Variants in SLC8A1 observed in about 807,000 individuals in gnomAD.
SLC8A1 encodes the protein sodium/calcium exchanger 1.
In SLC8A1, 18 loss-of-function variants were observed where a neutral mutation model predicts 68.3. That is an observed-to-expected ratio of 0.26 (90% confidence interval 0.18 to 0.39). The LOEUF is 0.39. Ranked by LOEUF, SLC8A1 falls within the 10% of genes least tolerant of loss-of-function variation. The pLI is 1.00. For synonymous variants in SLC8A1, 475 were observed against 415.5 expected (o/e 1.14, Z -1.74); for missense variants, 985 against 1,156.7 (o/e 0.85, Z 2.15).
chr2:40,233,700 G>A (rs2059984991), intron 2 of SLC8A1, among the ~76,000 whole-genome samples: 1 of 147,250 alleles, frequency 6.8e-6, no homozygotes, highest in African/African-American at 2.5e-5. Context: ...GTAATGCCTA[G>A]GTTTTCTTCT....
rs149915514 is a variant in SLC8A1, at chr2:40,384,404, C to G, written c.1808+44069G>C. Among the ~76,000 whole-genome samples, 797 of 152,130 alleles carry G rather than the reference C, an allele frequency of 5.2e-3. 4 individuals are homozygous for G. Among genetic ancestry groups the G allele is most frequent in the Non-Finnish European group, 8.0e-3 (543 of 68,010 alleles). On this transcript the variant is annotated intron_variant, in intron 2 of 7. Transcript: ENST00000406785. The stretch of plus-strand genomic sequence containing the variant: ...GAAATTTGATGAAAACACAATGAGA[C>G]AGTCTCAAGCAGAACAGAACCTTGC...
intron 2 of SLC8A1, among the ~76,000 whole-genome samples, chr2:40,409,559 T>C (rs539260930): frequency 1.2e-4 from 19 of 152,276 alleles, no homozygotes; most frequent in African/African-American, 4.3e-4. Flanking sequence ...AGTCATTCCT[T>C]GAGAATACTC....
At chr2:40,439,440 ACT>A (rs1054666563) in intron 1 of SLC8A1, among the ~76,000 whole-genome samples, 18 of 151,888 alleles carry the variant, frequency 1.2e-4, no homozygotes, top group African/African-American at 4.1e-4. Flanking sequence ...GGCAGCCCCT[ACT>A]CTTTTTCTTC....
At chr2:40,133,236 G>A (rs892309431) in intron 7 of SLC8A1, among the ~76,000 whole-genome samples, 1 of 152,108 alleles carries the variant, frequency 6.6e-6, no homozygotes, top group Non-Finnish European at 1.5e-5. Flanking sequence ...TTAACACCAC[G>A]CTAAGAGAAC....
intron 2 of SLC8A1, among the ~76,000 whole-genome samples, chr2:40,351,270 T>G: frequency 6.6e-6 from 1 of 152,102 alleles, no homozygotes; most frequent in East Asian, 1.9e-4. Flanking sequence ...GAACAAATAC[T>G]ACAGATTTGA....
chr2:40,402,236 C>A (rs906711765), intron 2 of SLC8A1, among the ~76,000 whole-genome samples: 2 of 152,120 alleles, frequency 1.3e-5, no homozygotes, highest in Non-Finnish European at 2.9e-5. Flanking sequence ...AAAAGACACT[C>A]CCACCAGCAC....
intron 4 of SLC8A1, among the ~76,000 whole-genome samples, chr2:40,168,624 C>T (rs13394655): frequency 0.46 from 69,551 of 151,998 alleles, 17,252 homozygotes; most frequent in Non-Finnish European, 0.57. Flanking sequence ...CTGTTGAATA[C>T]GGAAATGGTT....
intron 2 of SLC8A1, among the ~76,000 whole-genome samples, chr2:40,370,133 C>G (rs994249): frequency 0.49 from 75,181 of 151,942 alleles, 19,432 homozygotes; most frequent in African/African-American, 0.63. Flanking sequence ...ATTCAACACA[C>G]AATACCAGTT....
chr2:40,293,422 T>G (rs1239631380), intron 2 of SLC8A1, among the ~76,000 whole-genome samples: 1 of 152,360 alleles, frequency 6.6e-6, no homozygotes, highest in South Asian at 2.1e-4. Flanking sequence ...TTGATGCTGC[T>G]GTGTCCAGTT....
At chr2:40,149,922 C>T (rs1042314184) in intron 6 of SLC8A1, among the ~76,000 whole-genome samples, 10 of 151,944 alleles carry the variant, frequency 6.6e-5, no homozygotes, top group African/African-American at 1.5e-4. Flanking sequence ...ATGGTTAAGG[C>T]GTTGGTTCTA....
chr2:40,228,658 G>A (rs943909157), intron 2 of SLC8A1, among the ~76,000 whole-genome samples: 2 of 152,188 alleles, frequency 1.3e-5, no homozygotes, highest in Admixed American at 1.3e-4. Context: ...CTCATTAAAG[G>A]TTTGGGTGGC....
At chr2:40,298,099 C>G (rs946000471) in intron 2 of SLC8A1, among the ~76,000 whole-genome samples, 1 of 152,192 alleles carries the variant, frequency 6.6e-6, no homozygotes, top group Non-Finnish European at 1.5e-5. Context: ...CCAGGCTGGT[C>G]TCGAACTCCT....
chr2:40,209,448 G>T (rs1184927484), intron 2 of SLC8A1, among the ~76,000 whole-genome samples: 3 of 152,126 alleles, frequency 2.0e-5, no homozygotes. Flanking sequence ...GGAAGTGGTT[G>T]GTGGGGCCAG....
chr2:40,277,475 G>C (rs1314191735), intron 2 of SLC8A1, among the ~76,000 whole-genome samples: 1 of 152,062 alleles, frequency 6.6e-6, no homozygotes, highest in Non-Finnish European at 1.5e-5. Flanking sequence ...CGGAGGCAGA[G>C]GTTGCAGTGA....
chr2:40,491,176 G>A (rs1370523577), intron 1 of SLC8A1, among the ~76,000 whole-genome samples: 1 of 152,114 alleles, frequency 6.6e-6, no homozygotes, highest in Non-Finnish European at 1.5e-5. Context: ...TAGGTTTGTA[G>A]TTCTCCTTGA....
chr2:40,219,800 G>C (rs2058046135), intron 2 of SLC8A1, among the ~76,000 whole-genome samples: 1 of 91,928 alleles, frequency 1.1e-5, no homozygotes, highest in Non-Finnish European at 2.8e-5. Flanking sequence ...TGATGAGAGA[G>C]ATGTGCTTTG....
At chr2:40,129,560 G>A (rs1300880404) in intron 7 of SLC8A1, among the ~76,000 whole-genome samples, 3 of 152,254 alleles carry the variant, frequency 2.0e-5, no homozygotes, top group Admixed American at 1.3e-4. Context: ...TGTGAAAAGG[G>A]AGAAATAAAA....
intron 1 of SLC8A1, among the ~76,000 whole-genome samples, chr2:40,450,659 T>TC (rs1491458338): frequency 3.3e-5 from 5 of 152,202 alleles, no homozygotes; most frequent in African/African-American, 1.2e-4. Flanking sequence ...ATCCTTTTTT[T>TC]CTCTTTTTAG....
At chr2:40,463,899 G>T (rs149383947) in intron 1 of SLC8A1, among the ~76,000 whole-genome samples, 9,371 of 139,502 alleles carry the variant, frequency 0.067, 394 homozygotes, top group Admixed American at 0.13. Flanking sequence ...TATATATATA[G>T]AGAGAGAGAC....
Sources: gnomAD v4.1 joint callset for allele counts (sites outside exome capture counted in the v4.1 genomes callset) on GRCh38, gnomAD v4.1.1 for gene constraint, MANE v1.5 for transcripts, NCBI Gene and HGNC (gene_info 2026-07-23, HGNC 2026-07-21) for gene names.